Variants in PCDHGB2 observed in about 807,000 individuals in gnomAD.
PCDHGB2 encodes the protein protocadherin gamma-B2.
Under a neutral mutation model 59.3 loss-of-function variants are expected in PCDHGB2, and 55 were observed. That is an observed-to-expected ratio of 0.93 (90% CI 0.75 to 1.16). PCDHGB2 has a LOEUF of 1.16. PCDHGB2 is among the 50% of genes most tolerant of loss of function. PCDHGB2 has a pLI of 0.00. For synonymous variants in PCDHGB2, 516 were observed against 512.0 expected, an observed-to-expected ratio of 1.01 and a Z score of -0.11; for missense variants, 1,228 against 1,198.5, an observed-to-expected ratio of 1.02 and a Z score of -0.36.
At chr5:141,503,517 T>C (rs6878542) in intron 2 of PCDHGB2, among the ~76,000 whole-genome samples, 77,350 of 150,132 alleles carry the variant, frequency 0.52, 20,504 homozygotes, top group African/African-American at 0.63. Flanking sequence ...GAGAATCACT[T>C]GAACCTGGGA....
chr5:141,447,852 G>A (rs375081279), intron 1 of PCDHGB2, among the ~76,000 whole-genome samples: 2 of 152,144 alleles, frequency 1.3e-5, no homozygotes, highest in East Asian at 3.9e-4. Context: ...TTGGGAGGCC[G>A]AGGTGGGTGA....
At chr5:141,373,976 G>T (rs1357062991) in intron 1 of PCDHGB2, 1 of 1,066,506 alleles carries the variant, frequency 9.4e-7, no homozygotes, top group Non-Finnish European at 1.3e-6. Context: ...CTTCGCATCC[G>T]GTCTCTGCTT....
chr5:141,459,613 C>A (rs1040874685), intron 1 of PCDHGB2, among the ~76,000 whole-genome samples: 1 of 152,188 alleles, frequency 6.6e-6, no homozygotes, highest in African/African-American at 2.4e-5. Context: ...ATATGCTTAA[C>A]TTTATAAGAA....
intron 1 of PCDHGB2, chr5:141,478,595 T>A: frequency 6.4e-7 from 1 of 1,567,880 alleles, no homozygotes; most frequent in Non-Finnish European, 8.7e-7. Flanking sequence ...TTTTTATTCC[T>A]ACATCATATT....
intron 1 of PCDHGB2, chr5:141,428,285 C>CA (rs2097130658): frequency 2.7e-6 from 2 of 734,934 alleles, no homozygotes; most frequent in Non-Finnish European, 4.7e-6. Context: ...GATTCCCAAG[C>CA]AAAGCTGCAG....
intron 1 of PCDHGB2, chr5:141,430,781 C>A: frequency 6.6e-7 from 1 of 1,510,922 alleles, no homozygotes; most frequent in Non-Finnish European, 8.8e-7. Context: ...GCGACTGCAC[C>A]GGGACTACAA....
chr5:141,400,254 G>T, intron 1 of PCDHGB2: 1 of 1,613,980 alleles, frequency 6.2e-7, no homozygotes, highest in Non-Finnish European at 8.5e-7. Flanking sequence ...CCGTTGCCTT[G>T]CGCCTGCGAC....
chr5:141,421,799 A>G (rs778353620), intron 1 of PCDHGB2: 1 of 1,613,860 alleles, frequency 6.2e-7, no homozygotes, highest in South Asian at 1.1e-5. Flanking sequence ...GATGGGGCCA[A>G]GAATCCAGAG....
intron 1 of PCDHGB2, chr5:141,423,709 C>G (rs2096768343): frequency 8.7e-7 from 1 of 1,147,590 alleles, no homozygotes; most frequent in African/African-American, 1.9e-5. Context: ...TGGCACAAGT[C>G]TTTTAAGGAG....
chr5:141,399,030 G>C, intron 1 of PCDHGB2: 1 of 1,613,824 alleles, frequency 6.2e-7, no homozygotes, highest in Non-Finnish European at 8.5e-7. Flanking sequence ...CCACTCAAAA[G>C]AAACTGGATT....
intron 1 of PCDHGB2, chr5:141,392,939 C>T (rs1425022179): frequency 1.2e-6 from 2 of 1,613,830 alleles, no homozygotes; most frequent in Non-Finnish European, 1.7e-6. Context: ...CGGACAAAGG[C>T]TCCTTCGTGG....
chr5:141,415,107 A>T, intron 1 of PCDHGB2: 1 of 1,613,624 alleles, frequency 6.2e-7, no homozygotes, highest in Non-Finnish European at 8.5e-7. Flanking sequence ...CGCTCAAGCA[A>T]AGCCTCGTAG....
chr5:141,487,802 C>T lies in PCDHGB2; in HGVS notation c.2422-7005C>T, dbSNP rs765438219. The T allele has an allele frequency of 9.5e-6, 14 of 1,477,306 alleles. No individual in the cohort carries two copies. The South Asian group carries it at 1.7e-4, about 18-fold the overall frequency. 91.5% of individuals were successfully genotyped at this position (1,477,306 alleles called of 1,614,324 possible). A position where few individuals can be genotyped will look rare whatever the true frequency, so the allele number is the denominator to read the frequency against. ...TTTCGTGAATTAACCAGAGTTGTCACAGTTTAGCATTGGGGGCGGGTCATG... is the reference window on the plus strand; with the variant it reads ...TTTCGTGAATTAACCAGAGTTGTCATAGTTTAGCATTGGGGGCGGGTCATG... On this transcript the variant is annotated intron_variant, in intron 1 of 3. Transcript: ENST00000522605. The surrounding 1 kb of genome is among the most constrained non-coding windows in gnomAD (Gnocchi z 5.0).
chr5:141,394,298 G>A (rs763864270), intron 1 of PCDHGB2: 1 of 1,613,840 alleles, frequency 6.2e-7, no homozygotes, highest in African/African-American at 1.3e-5. Context: ...CCGAGGACAC[G>A]CTGCAGGGGG....
intron 1 of PCDHGB2, chr5:141,422,727 G>T (rs373180311): frequency 6.3e-5 from 102 of 1,606,434 alleles, no homozygotes; most frequent in Non-Finnish European, 2.0e-5. Context: ...TCCAGGGGGT[G>T]CCTCTGTCCT....
In PCDHGB2 at chr5:141,490,304, T is replaced by G. The variant is rs2099698490; in HGVS notation, c.2422-4503T>G. On this transcript the variant is annotated intron_variant, in intron 1 of 3. Coordinates refer to ENST00000522605, the MANE Select transcript of PCDHGB2 (RefSeq NM_018923.3). This position sits in a 1 kb window ranked among gnomAD's most constrained non-coding sequence, Gnocchi z 5.4. ...GCCCCAGAGGTGCTATTGGCCTCTT[T>G]GGCCAACCCTGTCCTAGAGAGCACA... 1.2e-6 allele frequency: 2 copies of G among 1,614,026 alleles called. No homozygotes were observed. The highest frequency in any genetic ancestry group is 1.7e-5 in the Admixed American group (1 of 60,010).
chr5:141,415,095 C>G, intron 1 of PCDHGB2: 2 of 1,613,584 alleles, frequency 1.2e-6, no homozygotes, highest in Non-Finnish European at 1.7e-6. Context: ...TGGACAGAGA[C>G]GCGCTCAAGC....
At chr5:141,497,568 C>G (rs1012946741) in intron 2 of PCDHGB2, among the ~76,000 whole-genome samples, 2 of 140,602 alleles carry the variant, frequency 1.4e-5, no homozygotes, top group African/African-American at 5.4e-5. Flanking sequence ...TAGACAGAGT[C>G]TTGCTCTGTT....
At chr5:141,388,685 G>A (rs2091454291) in intron 1 of PCDHGB2, 5 of 1,613,932 alleles carry the variant, frequency 3.1e-6, no homozygotes, top group East Asian at 2.2e-5. Flanking sequence ...TGACTGCCAC[G>A]GACCAGGATG....
Sources: gnomAD v4.1 joint callset for allele counts (sites outside exome capture counted in the v4.1 genomes callset) on GRCh38, gnomAD v4.1.1 for gene constraint, Gnocchi (gnomAD v3.1) non-coding constraint, MANE v1.5 for transcripts, NCBI Gene and HGNC (gene_info 2026-07-23, HGNC 2026-07-21) for gene names.